Variants in PDLIM4 observed in about 807,000 individuals in gnomAD.
PDLIM4 encodes the protein PDZ and LIM domain protein 4.
A neutral mutation model predicts 31.3 loss-of-function variants in PDLIM4; 19 were observed. That is an observed-to-expected ratio of 0.61 (90% confidence interval 0.42 to 0.89). The LOEUF (loss-of-function observed/expected upper bound fraction) is 0.89, where lower values mean the gene tolerates loss of function less well. Ranked by LOEUF, PDLIM4 falls within the 40% of genes least tolerant of loss-of-function variation. PDLIM4 has a pLI of 0.00. For missense variants in PDLIM4, 442 were observed against 461.1 expected (o/e 0.96, Z 0.38); for synonymous variants, 176 against 190.1 (o/e 0.93, Z 0.61).
chr5:132,271,420 A>T lies in PDLIM4; in HGVS notation c.624A>T (p.Ser208=), dbSNP rs147333973. ...AEPVAAEPKQ[S]GSFRYLQGML... ...CCGTGGCCGCGGAGCCCAAGCAGTCAGGCTCCTTCCGCTACTTGCAGGGCA... is the reference window on the plus strand; with the variant it reads ...CCGTGGCCGCGGAGCCCAAGCAGTCTGGCTCCTTCCGCTACTTGCAGGGCA... The change falls in exon 5 of 7, where the codon TCA becomes TCT. Residue 208 remains serine (S), a synonymous_variant. Coordinates refer to ENST00000253754, the MANE Select transcript of PDLIM4 (RefSeq NM_003687.4). 3.9e-5 allele frequency: 63 copies of T among 1,609,090 alleles called. No individual in the cohort carries two copies. In the East Asian group the frequency reaches 1.3e-3, roughly 34 times the overall value.
chr5:132,271,986 C>T, intron 6 of PDLIM4, 39 bp from the exon 7 acceptor site: 2 of 1,603,080 alleles, frequency 1.2e-6, no homozygotes, highest in South Asian at 1.1e-5. Context: ...GTGAACCCAT[C>T]AGTCACTCGA....
chr5:132,258,377 G>A lies in PDLIM4; in HGVS notation c.93+550G>A, dbSNP rs1215484285. Among the ~76,000 whole-genome samples, 3 of 152,324 alleles carry A rather than the reference G, an allele frequency of 2.0e-5. No homozygotes were observed. The East Asian group carries it at 5.8e-4, about 29-fold the overall frequency. On this transcript the variant is annotated intron_variant, in intron 1 of 6. Coordinates refer to ENST00000253754, the MANE Select transcript of PDLIM4 (RefSeq NM_003687.4). ...AGTCACCCTAAGGGGAAGTGACCAG[G>A]AGGAATTTTGGCTTCCAGGGGAAAG...
chr5:132,260,334 C>T (rs1194260944), intron 1 of PDLIM4, among the ~76,000 whole-genome samples: 2 of 152,208 alleles, frequency 1.3e-5, no homozygotes, highest in Admixed American at 6.5e-5. Flanking sequence ...AGGAGCTAGA[C>T]GGATCGGCCT....
chr5:132,258,043 A>C (rs868415590), intron 1 of PDLIM4, among the ~76,000 whole-genome samples: 1 of 152,080 alleles, frequency 6.6e-6, no homozygotes, highest in African/African-American at 2.4e-5. Flanking sequence ...CCCGCGAAGA[A>C]TCTCCCAAGA....
chr5:132,261,085 G>T (rs987920682), intron 1 of PDLIM4, among the ~76,000 whole-genome samples: 3 of 152,222 alleles, frequency 2.0e-5, no homozygotes, highest in African/African-American at 7.2e-5. Flanking sequence ...CTCACCAGGT[G>T]GTTGAGGGGT....
At position 132,272,223 on chromosome 5, in the gene PDLIM4, C is replaced by T. The variant is rs1385264243; in HGVS notation, c.987C>T (p.Leu329=). Residue 329 remains leucine (L), a synonymous_variant, in exon 7 of 7, where the codon CTC becomes CTT. Transcript: ENST00000253754. ...TGTACCCCAATGCCAAGGTGGAACT[C>T]GTCTGAGCTGGGACCCTGCTCCCAC... The part of the protein sequence containing the change: ...VAVYPNAKVE[L]V 5 of 1,613,548 alleles carry T rather than the reference C, an allele frequency of 3.1e-6. No homozygotes were observed. The highest frequency in any genetic ancestry group is 4.5e-5 in the East Asian group (2 of 44,882).
At chr5:132,269,854 T>A (rs1026286817) in intron 3 of PDLIM4, among the ~76,000 whole-genome samples, 1 of 152,180 alleles carries the variant, frequency 6.6e-6, no homozygotes, top group African/African-American at 2.4e-5. Context: ...ACTAGCCCAG[T>A]CTCAGCTATG....
chr5:132,265,602 G>C (rs1191609862), intron 2 of PDLIM4, among the ~76,000 whole-genome samples: 1 of 152,190 alleles, frequency 6.6e-6, no homozygotes, highest in African/African-American at 2.4e-5. Flanking sequence ...TCAACTGAAG[G>C]GGGCAGAAGA....
chr5:132,264,371 C>G (rs1317179749), intron 2 of PDLIM4, among the ~76,000 whole-genome samples: 2 of 152,174 alleles, frequency 1.3e-5, no homozygotes, highest in Non-Finnish European at 2.9e-5. Context: ...AGCACATTCT[C>G]TACTATTACA....
At chr5:132,264,587 C>T (rs1756448628) in intron 2 of PDLIM4, among the ~76,000 whole-genome samples, 1 of 58,478 alleles carries the variant, frequency 1.7e-5, no homozygotes, top group African/African-American at 1.0e-4. Context: ...TGCCCTGCAG[C>T]CCCCTCACAC....
chr5:132,269,383 T>G (rs1385141959), intron 3 of PDLIM4, among the ~76,000 whole-genome samples: 1 of 151,138 alleles, frequency 6.6e-6, no homozygotes, highest in East Asian at 1.9e-4. Context: ...CTGGTCCCCA[T>G]TAGAGGTCAG....
rs750234476 is a variant in PDLIM4, at chr5:132,271,535, AC to A, written c.670+73del. ...GCAGTGCCCAGGTTGCCCCCTAGCG[AC>A]CCCACGTCCCGCCTCGCAGTCACCT... is the stretch of plus-strand genomic sequence containing the variant. On this transcript the variant is annotated intron_variant, in intron 5 of 6. Transcript: ENST00000253754. 4.7e-6 allele frequency: 7 copies of A among 1,501,960 alleles called. No homozygotes were observed. In the African/African-American group the frequency reaches 6.9e-5, roughly 15 times the overall value. 93.0% of individuals were successfully genotyped at this position (1,501,960 alleles called of 1,614,324 possible). A position where few individuals can be genotyped will look rare whatever the true frequency, so the allele number is the denominator to read the frequency against.
intron 3 of PDLIM4, 83 bp downstream of exon 3, chr5:132,266,628 A>G (rs2126676414): frequency 2.3e-6 from 2 of 862,674 alleles, no homozygotes; most frequent in Non-Finnish European, 3.7e-6. Flanking sequence ...ACCTGCACTG[A>G]ATGTCCTCAC....
At position 132,262,671 on chromosome 5, in the gene PDLIM4, C is replaced by CA; in HGVS notation, c.158dup (p.Asn53LysfsTer3). ...GCCCAGGAGACCTGATCCAGGCCAT[C>CA]AATGGTGAGAGCACAGAGCTCATGA... On this transcript the variant is annotated frameshift_variant, in exon 2 of 7. Transcript: ENST00000253754. LOFTEE classifies it high-confidence loss of function. 6.2e-7 allele frequency: 1 copy of CA among 1,612,912 alleles called. No individual in the cohort carries two copies. Among genetic ancestry groups the CA allele is most frequent in the Non-Finnish European group, 8.5e-7 (1 of 1,179,436 alleles).
chr5:132,260,414 C>T (rs1372805361), intron 1 of PDLIM4, among the ~76,000 whole-genome samples: 1 of 152,162 alleles, frequency 6.6e-6, no homozygotes, highest in Non-Finnish European at 1.5e-5. Flanking sequence ...GGAGAAATGC[C>T]AGCTTCCCAC....
At chr5:132,261,637 G>A (rs1046441223) in intron 1 of PDLIM4, 2 of 152,264 alleles carry the variant, frequency 1.3e-5, no homozygotes, top group Non-Finnish European at 2.9e-5. Flanking sequence ...AGATATCTCT[G>A]TGAGTCTAAC....
Position 132,271,405 on chromosome 5 carries a change from G to A in PDLIM4, c.609G>A (p.Ala203=), listed in dbSNP as rs746676809. The A allele has an allele frequency of 5.6e-6, 9 of 1,608,506 alleles. 1 individual carries two copies. Among genetic ancestry groups the A allele is most frequent in the Middle Eastern group, 3.3e-4 (2 of 6,076 alleles). Residue 203 remains alanine (A), a synonymous_variant, in exon 5 of 7, where the codon GCG becomes GCA. Coordinates refer to ENST00000253754, the MANE Select transcript of PDLIM4 (RefSeq NM_003687.4). The part of the protein sequence containing the change: ...MLREPAEPVA[A]EPKQSGSFRY... ...GGGAGCCAGCCGAGCCCGTGGCCGC[G>A]GAGCCCAAGCAGTCAGGCTCCTTCC... is the stretch of plus-strand genomic sequence containing the variant.
intron 2 of PDLIM4, 79 bp from the exon 3 acceptor site, chr5:132,266,385 C>T: frequency 1.1e-6 from 1 of 926,994 alleles, no homozygotes. Context: ...AGCCCAGAGC[C>T]CAGCCCCTCT....
intron 1 of PDLIM4, among the ~76,000 whole-genome samples, chr5:132,260,143 G>T (rs747360174): frequency 6.6e-6 from 1 of 152,194 alleles, no homozygotes; most frequent in Non-Finnish European, 1.5e-5. Context: ...AGTTTGCTGT[G>T]ACTGTGTAGG....
Sources: allele counts gnomAD v4.1 joint callset (sites outside exome capture counted in the v4.1 genomes callset), GRCh38; gene constraint gnomAD v4.1.1; transcripts MANE v1.5; gene names NCBI Gene and HGNC (gene_info 2026-07-23, HGNC 2026-07-21).